Variants in SOX5 observed in about 807,000 individuals in gnomAD.
SOX5 encodes the protein transcription factor SOX-5.
SOX5 carries 9 observed loss-of-function variants against 92.0 expected under a neutral mutation model. That is an observed-to-expected ratio of 0.10 (90% CI 0.06 to 0.17). The LOEUF is 0.17. Ranked by LOEUF, SOX5 falls within the 10% of genes least tolerant of loss-of-function variation. The pLI is 1.00. For missense variants in SOX5, 642 were observed against 944.5 expected, an observed-to-expected ratio of 0.68 and a Z score of 4.20; for synonymous variants, 344 against 336.3, an observed-to-expected ratio of 1.02 and a Z score of -0.25.
At chr12:23,671,745 G>A (rs892395865) in intron 6 of SOX5, among the ~76,000 whole-genome samples, 13 of 152,098 alleles carry the variant, frequency 8.5e-5, no homozygotes, top group Non-Finnish European at 1.6e-4. Flanking sequence ...ATCTCATTGA[G>A]GAATATAGGC....
At chr12:24,457,936 C>T (rs1466138502) in intron 1 of SOX5, among the ~76,000 whole-genome samples, 1 of 152,110 alleles carries the variant, frequency 6.6e-6, no homozygotes, top group Non-Finnish European at 1.5e-5. Context: ...ACTCAGATTA[C>T]TATTTTCCAT....
chr12:23,979,293 A>G (rs1333069670), intron 4 of SOX5, among the ~76,000 whole-genome samples: 1 of 152,076 alleles, frequency 6.6e-6, no homozygotes, highest in African/African-American at 2.4e-5. Flanking sequence ...GTGCGATCTC[A>G]GCTCACTGCA....
At chr12:24,113,818 T>A (rs1947658927) in intron 4 of SOX5, among the ~76,000 whole-genome samples, 1 of 152,056 alleles carries the variant, frequency 6.6e-6, no homozygotes, top group Non-Finnish European at 1.5e-5. Context: ...TTAAGGAAGG[T>A]TCCAGACTTG....
chr12:23,903,036 G>C (rs1185904741), intron 1 of SOX5, among the ~76,000 whole-genome samples: 1 of 152,070 alleles, frequency 6.6e-6, no homozygotes, highest in East Asian at 1.9e-4. Flanking sequence ...TTAGAGTTCT[G>C]ATGGAAACAG....
chr12:23,759,410 G>C (rs2094503526), intron 3 of SOX5, among the ~76,000 whole-genome samples: 1 of 151,954 alleles, frequency 6.6e-6, no homozygotes, highest in Admixed American at 6.6e-5. Context: ...TGGCTAGATT[G>C]GCCTGTGGGG....
intron 3 of SOX5, among the ~76,000 whole-genome samples, chr12:23,756,244 A>C (rs1049737791): frequency 6.6e-6 from 1 of 151,306 alleles, no homozygotes; most frequent in Non-Finnish European, 1.5e-5. Context: ...ATAAAAAAAA[A>C]CAAAAAAAAA....
At chr12:23,844,895 A>G (rs2096557964) in intron 3 of SOX5, among the ~76,000 whole-genome samples, 1 of 152,236 alleles carries the variant, frequency 6.6e-6, no homozygotes, top group African/African-American at 2.4e-5. Context: ...GAGGACATGT[A>G]ACAAAATATC....
intron 2 of SOX5, among the ~76,000 whole-genome samples, chr12:24,353,585 A>G (rs902883801): frequency 6.6e-6 from 1 of 151,782 alleles, no homozygotes; most frequent in African/African-American, 2.4e-5. Context: ...AAGACTGGGA[A>G]GAGTATGTGT....
chr12:24,072,963 A>G (rs1446422605), intron 4 of SOX5, among the ~76,000 whole-genome samples: 1 of 152,228 alleles, frequency 6.6e-6, no homozygotes, highest in African/African-American at 2.4e-5. Context: ...GGAGTTTTGG[A>G]CACATATGTG....
intron 6 of SOX5, among the ~76,000 whole-genome samples, chr12:23,707,609 G>A (rs550258222): frequency 6.6e-6 from 1 of 152,018 alleles, no homozygotes; most frequent in Non-Finnish European, 1.5e-5. Flanking sequence ...TAATTTATAG[G>A]ATCATTTCAC....
chr12:24,203,410 A>G lies in SOX5; in HGVS notation c.-2+9933T>C, dbSNP rs377633427. 1.5e-4 allele frequency among the ~76,000 whole-genome samples: 23 copies of G among 152,332 alleles called. No homozygotes were observed. In the South Asian group the frequency reaches 4.8e-3, roughly 32 times the overall value. On this transcript the variant is annotated intron_variant, in intron 4 of 4. Transcript: ENST00000446891. ...AGAGAATGATATTTAGAAACCAAGA[A>G]CTAGGTACCAAATGTGCTCACCACC...
intron 7 of SOX5, among the ~76,000 whole-genome samples, chr12:23,650,621 G>A (rs993663020): frequency 1.3e-5 from 2 of 152,040 alleles, no homozygotes; most frequent in Admixed American, 1.3e-4. Context: ...TTCAAGCTTG[G>A]GGGAGCCCCC....
intron 2 of SOX5, among the ~76,000 whole-genome samples, chr12:23,865,307 C>G (rs2096798744): frequency 6.6e-6 from 1 of 152,204 alleles, no homozygotes; most frequent in Non-Finnish European, 1.5e-5. Context: ...TGTTTTCATG[C>G]CTGTTAACAC....
At chr12:24,227,423 TC>T (rs1353002246) in intron 3 of SOX5, 1 of 152,200 alleles carries the variant, frequency 6.6e-6, no homozygotes, top group African/African-American at 2.4e-5. Flanking sequence ...TTGTTGATTT[TC>T]CTTTTACCCT....
At chr12:24,202,113 C>A (rs1309675981) in intron 4 of SOX5, among the ~76,000 whole-genome samples, 1 of 152,118 alleles carries the variant, frequency 6.6e-6, no homozygotes, top group East Asian at 1.9e-4. Flanking sequence ...AATAGACTAG[C>A]AAAATATAAA....
intron 4 of SOX5, among the ~76,000 whole-genome samples, chr12:24,108,796 A>T (rs1317260400): frequency 1.3e-5 from 2 of 152,164 alleles, no homozygotes; most frequent in Non-Finnish European, 2.9e-5. Context: ...TATTCAAATG[A>T]TACCTTTCTC....
intron 3 of SOX5, among the ~76,000 whole-genome samples, chr12:23,786,537 C>T (rs548445565): frequency 1.4e-5 from 1 of 73,530 alleles, no homozygotes; most frequent in Admixed American, 2.0e-4. Flanking sequence ...GAGTGAGACT[C>T]CATCTCAAAA....
chr12:24,379,394 A>G, intron 1 of SOX5, among the ~76,000 whole-genome samples: 1 of 152,218 alleles, frequency 6.6e-6, no homozygotes, highest in East Asian at 1.9e-4. Context: ...ATCATTCTGA[A>G]GAAGACAGTA....
chr12:24,334,377 C>T (rs528400887), intron 2 of SOX5, among the ~76,000 whole-genome samples: 3 of 151,776 alleles, frequency 2.0e-5, no homozygotes, highest in Admixed American at 1.3e-4. Flanking sequence ...TTCTATATCC[C>T]CCAAAAAATA....
Sources: gnomAD v4.1 joint callset for allele counts (sites outside exome capture counted in the v4.1 genomes callset) on GRCh38, gnomAD v4.1.1 for gene constraint, MANE v1.5 for transcripts, NCBI Gene and HGNC (gene_info 2026-07-23, HGNC 2026-07-21) for gene names.